The following HMGN2 variants were observed in gnomAD, a reference collection of about 807,000 sequenced individuals.
HMGN2 encodes the protein high mobility group nucleosomal binding domain 2.
A neutral mutation model predicts 16.9 loss-of-function variants in HMGN2; 2 were observed. That is an observed-to-expected ratio of 0.12 (90% CI 0.05 to 0.37). The LOEUF (loss-of-function observed/expected upper bound fraction) is 0.37. Ranked by LOEUF, HMGN2 falls within the 10% of genes least tolerant of loss-of-function variation. The pLI, the probability that HMGN2 is intolerant of heterozygous loss-of-function variation, is 1.00. For missense variants in HMGN2, 90 were observed against 106.0 expected, an observed-to-expected ratio of 0.85 and a Z score of 0.66; for synonymous variants, 31 against 34.9, an observed-to-expected ratio of 0.89 and a Z score of 0.39.
chr1:26,472,774 G>A (rs1202969082), intron 1 of HMGN2, 147 bp downstream of exon 1: 6 of 715,982 alleles, frequency 8.4e-6, no homozygotes, highest in Admixed American at 6.7e-5. Flanking sequence ...CGGGCAGCTC[G>A]GGGCTAACCC....
chr1:26,473,327 G>A (rs1257853753), intron 1 of HMGN2, 156 bp from the exon 2 acceptor site: 1 of 614,336 alleles, frequency 1.6e-6, no homozygotes. Flanking sequence ...GCTCCTGCGC[G>A]CGCTTCGTTC....
chr1:26,475,398 C>T lies in HMGN2; in HGVS notation c.*250C>T. On this transcript the variant is annotated 3_prime_UTR_variant, in exon 6 of 6. Transcript: ENST00000361427. ...CCCTTCTAGTTTTGAGAGACTTCCT[C>T]TTGGCTCCCAGGAGGAGGGATTCCC... 2.6e-6 allele frequency: 1 copy of T among 379,050 alleles called. No homozygotes were observed. The highest frequency in any genetic ancestry group is 7.6e-4 in the Middle Eastern group (1 of 1,318). 23.5% of individuals were successfully genotyped at this position (379,050 alleles called of 1,614,324 possible).
At position 26,473,545 on chromosome 1, in the gene HMGN2, C is replaced by G; in HGVS notation, c.60+18C>G. On this transcript the variant is annotated intron_variant, in intron 2 of 5. Transcript: ENST00000361427. The stretch of plus-strand genomic sequence containing the variant: ...AGGACGAAGTAAGTCATTCTCTCTT[C>G]AAGGGTCAAAGCCTTGGACTAGCAG... The G allele has an allele frequency of 6.2e-7, 1 of 1,607,416 alleles. No homozygotes were observed. Among genetic ancestry groups the G allele is most frequent in the Non-Finnish European group, 8.5e-7 (1 of 1,173,934 alleles).
At chr1:26,474,521 C>T in intron 4 of HMGN2, 51 bp from the exon 5 acceptor site, 1 of 862,944 alleles carries the variant, frequency 1.2e-6, no homozygotes, top group Non-Finnish European at 1.9e-6. Context: ...CAGACCATAC[C>T]TTGGTAATAC....
At chr1:26,474,837 T>A (rs905652672) in intron 5 of HMGN2, 170 bp downstream of exon 5, 1 of 623,634 alleles carries the variant, frequency 1.6e-6, no homozygotes, top group African/African-American at 1.8e-5. Flanking sequence ...TACTGTCAGC[T>A]GAAGGGCATT....
chr1:26,475,236 TTTTG>T lies in HMGN2; in HGVS notation c.*92_*95del. 2 of 959,974 alleles carry T rather than the reference TTTTG, an allele frequency of 2.1e-6. No individual in the cohort carries two copies. The highest frequency in any genetic ancestry group is 3.2e-6 in the Non-Finnish European group (2 of 632,698). The allele number at this position is 959,974 out of a possible 1,614,324, so 59.5% of individuals were successfully genotyped here. A position where few individuals can be genotyped will look rare whatever the true frequency, so the allele number is the denominator to read the frequency against. ...TATCAAGTTTTATAAAAATGCAGAA[TTTTG>T]TTTTACTTTTTTTTTTTTTTTAAAA... On this transcript the variant is annotated 3_prime_UTR_variant, in exon 6 of 6. Transcript: ENST00000361427.
intron 5 of HMGN2, 194 bp downstream of exon 5, chr1:26,474,861 C>T: frequency 1.6e-6 from 1 of 610,892 alleles, no homozygotes; most frequent in Non-Finnish European, 2.9e-6. Flanking sequence ...TTTTATACTA[C>T]ATGAAGTTTT....
Position 26,473,536 on chromosome 1 carries a change from TTCTC to T in HMGN2, c.60+13_60+16del. 20 of 1,610,070 alleles carry T rather than the reference TTCTC, an allele frequency of 1.2e-5. No homozygotes were observed. Among genetic ancestry groups the T allele is most frequent in the Non-Finnish European group, 1.7e-5 (20 of 1,176,326 alleles). On this transcript the variant is annotated intron_variant, in intron 2 of 5. Transcript: ENST00000361427. Reference sequence around the variant, plus strand: ...CAAAGGTGAAGGACGAAGTAAGTCATTCTCTCTTCAAGGGTCAAAGCCTTGGACT... The same window carrying T: ...CAAAGGTGAAGGACGAAGTAAGTCATTCTTCAAGGGTCAAAGCCTTGGACT...
At position 26,475,245 on chromosome 1, in the gene HMGN2, ACT is replaced by A; in HGVS notation, c.*98_*99del. 2.5e-6 allele frequency: 2 copies of A among 796,544 alleles called. No individual in the cohort carries two copies. Among genetic ancestry groups the A allele is most frequent in the East Asian group, 2.7e-5 (1 of 36,572 alleles). The allele number at this position is 796,544 out of a possible 1,614,324, so 49.3% of individuals were successfully genotyped here. A position where few individuals can be genotyped will look rare whatever the true frequency, so the allele number is the denominator to read the frequency against. ...TTATAAAAATGCAGAATTTTGTTTT[ACT>A]TTTTTTTTTTTTTTAAAAGCTATGT... is the stretch of plus-strand genomic sequence containing the variant. On this transcript the variant is annotated 3_prime_UTR_variant, in exon 6 of 6. Transcript: ENST00000361427.
rs2075608523 is a variant in HMGN2 at position 26,476,266 on chromosome 1, C to T, written c.*1118C>T. Among the ~76,000 whole-genome samples the T allele has an allele frequency of 6.6e-6, 1 of 152,186 alleles. No homozygotes were observed. The highest frequency in any genetic ancestry group is 2.1e-4 in the South Asian group (1 of 4,834). On this transcript the variant is annotated 3_prime_UTR_variant, in exon 6 of 6. Coordinates refer to ENST00000361427, the MANE Select transcript of HMGN2 (RefSeq NM_005517.4). ...CCGAATACATGAAGTGTATTAAATG[C>T]AGATTTTTGGTAGATCTGCGGTTTT...
At chr1:26,473,621 C>T (rs2075590022) in intron 2 of HMGN2, 82 bp from the exon 3 acceptor site, 4 of 1,552,500 alleles carry the variant, frequency 2.6e-6, no homozygotes, top group African/African-American at 2.7e-5. Flanking sequence ...AATTTACACT[C>T]CTATAATCTA....
intron 1 of HMGN2, 47 bp from the exon 2 acceptor site, chr1:26,473,436 T>G: frequency 7.0e-7 from 1 of 1,420,430 alleles, no homozygotes; most frequent in Non-Finnish European, 9.9e-7. Context: ...GGGAAGTAAT[T>G]AAGAACCACC....
At chr1:26,474,887 C>G in intron 5 of HMGN2, 3 of 608,904 alleles carry the variant, frequency 4.9e-6, no homozygotes, top group Non-Finnish European at 8.8e-6. Flanking sequence ...TAGGAGTAAC[C>G]TCAGGTCTCT....
rs769515428 is a variant in HMGN2, at chr1:26,473,510, G to A, written c.43G>A (p.Ala15Thr). Residue 15 changes from alanine to threonine, a missense_variant, in exon 2 of 6, where the codon GCA (alanine) becomes ACA (threonine). Ala to Thr is a moderately conservative substitution (Grantham distance 58). Transcript: ENST00000361427. ...KAEGDAKGDK[A>T]KVKDEPQRRS... ...TGAAGGGGATGCTAAGGGAGATAAA[G>A]CAAAGGTGAAGGACGAAGTAAGTCA... 1.2e-5 allele frequency: 20 copies of A among 1,613,436 alleles called. No homozygotes were observed. The highest frequency in any genetic ancestry group is 2.7e-5 in the African/African-American group (2 of 74,930).
At chr1:26,473,829 G>T (rs1350152270) in intron 3 of HMGN2, 97 bp downstream of exon 3, 2 of 1,281,802 alleles carry the variant, frequency 1.6e-6, no homozygotes, top group African/African-American at 1.5e-5. Flanking sequence ...TTAGTGCCTG[G>T]TTTTGAATCA....
At position 26,472,575 on chromosome 1, in the gene HMGN2, T is replaced by C. The variant is rs1141781; in HGVS notation, c.-38T>C. ...AGCCCGCGCGCCGCTGCATCCCGCGTCCAGCACCTACGTCCCGCTGCCGTC... is the reference window on the plus strand; with the variant it reads ...AGCCCGCGCGCCGCTGCATCCCGCGCCCAGCACCTACGTCCCGCTGCCGTC... On this transcript the variant is annotated 5_prime_UTR_variant, in exon 1 of 6. Coordinates refer to ENST00000361427, the MANE Select transcript of HMGN2 (RefSeq NM_005517.4). 2.6e-6 allele frequency: 4 copies of C among 1,534,690 alleles called. No individual in the cohort carries two copies. The highest frequency in any genetic ancestry group is 3.5e-6 in the Non-Finnish European group (4 of 1,147,746).
rs1263811391 is a variant in HMGN2 at position 26,476,398 on chromosome 1, C to T, written c.*1250C>T. 6.6e-6 allele frequency among the ~76,000 whole-genome samples: 1 copy of T among 152,122 alleles called. No homozygotes were observed. Among genetic ancestry groups the T allele is most frequent in the East Asian group, 1.9e-4 (1 of 5,204 alleles). The stretch of plus-strand genomic sequence containing the variant: ...CAGAGAGTGTCTCTGTGAATGTGTA[C>T]ACAGTTGTCCATTTGTAAGGTAGAT... On this transcript the variant is annotated 3_prime_UTR_variant, in exon 6 of 6. Coordinates refer to ENST00000361427, the MANE Select transcript of HMGN2 (RefSeq NM_005517.4).
intron 3 of HMGN2, 148 bp downstream of exon 3, chr1:26,473,880 G>C: frequency 2.3e-6 from 2 of 888,586 alleles, no homozygotes; most frequent in Non-Finnish European, 3.5e-6. Flanking sequence ...GGTTTTGCTG[G>C]TTCTGAAATT....
In HMGN2 at chr1:26,472,497, C is replaced by G; in HGVS notation, c.-116C>G. ...GCGCTATAAAAACTTTATAAACCCC[C>G]CGGAGCCCGAGCAGTGTGAAGAAGA... On this transcript the variant is annotated 5_prime_UTR_variant, in exon 1 of 6. Coordinates refer to ENST00000361427, the MANE Select transcript of HMGN2 (RefSeq NM_005517.4). The G allele has an allele frequency of 7.8e-7, 1 of 1,278,768 alleles. No homozygotes were observed. The highest frequency in any genetic ancestry group is 1.1e-6 in the Non-Finnish European group (1 of 916,004). 79.2% of individuals were successfully genotyped at this position (1,278,768 alleles called of 1,614,324 possible). A position where few individuals can be genotyped will look rare whatever the true frequency, so the allele number is the denominator to read the frequency against.
Sources: gnomAD v4.1 joint callset for allele counts (sites outside exome capture counted in the v4.1 genomes callset) on GRCh38, gnomAD v4.1.1 for gene constraint, MANE v1.5 for transcripts, NCBI Gene and HGNC (gene_info 2026-07-23, HGNC 2026-07-21) for gene names.